The following GALNTL6 variants were observed in gnomAD, a reference collection of about 807,000 sequenced individuals.
GALNTL6 encodes the protein polypeptide N-acetylgalactosaminyltransferase-like 6.
A neutral mutation model predicts 73.7 loss-of-function variants in GALNTL6; 46 were observed. The observed-to-expected ratio is 0.62, with a 90% CI of 0.49 to 0.80. GALNTL6 has a LOEUF of 0.80. Among genes scored for constraint, GALNTL6 ranks in the 30% least tolerant of loss-of-function variants. GALNTL6 has a pLI of 0.00. For synonymous variants in GALNTL6, 259 were observed against 263.7 expected (o/e 0.98, Z 0.17); for missense variants, 604 against 755.0 (o/e 0.80, Z 2.34).
At chr4:172,871,024 T>C (rs1266154649) in intron 7 of GALNTL6, among the ~76,000 whole-genome samples, 1 of 152,204 alleles carries the variant, frequency 6.6e-6, no homozygotes, top group African/African-American at 2.4e-5. Context: ...ACCTGCTGGC[T>C]CACAGAGTTG....
intron 5 of GALNTL6, among the ~76,000 whole-genome samples, chr4:172,349,290 T>C (rs1357164855): frequency 6.6e-6 from 1 of 152,138 alleles, no homozygotes; most frequent in African/African-American, 2.4e-5. Context: ...AATTTTATAA[T>C]TTTGTAATTT....
chr4:172,984,132 G>A (rs1179959874), intron 10 of GALNTL6, among the ~76,000 whole-genome samples: 1 of 152,148 alleles, frequency 6.6e-6, no homozygotes, highest in Non-Finnish European at 1.5e-5. Flanking sequence ...AAAATACTTT[G>A]TGTGCCAACT....
intron 2 of GALNTL6, among the ~76,000 whole-genome samples, chr4:172,083,809 C>T (rs1018854877): frequency 3.9e-5 from 6 of 152,168 alleles, no homozygotes; most frequent in African/African-American, 1.4e-4. Context: ...AAATTACTGA[C>T]TAATCTTATA....
At chr4:172,828,219 C>G (rs1355375361) in intron 7 of GALNTL6, among the ~76,000 whole-genome samples, 2 of 149,438 alleles carry the variant, frequency 1.3e-5, no homozygotes, top group African/African-American at 2.5e-5. Context: ...TTGCAGTCAG[C>G]CAAGATTGCA....
At chr4:172,291,607 T>C (rs1184600276) in intron 3 of GALNTL6, among the ~76,000 whole-genome samples, 2 of 152,106 alleles carry the variant, frequency 1.3e-5, no homozygotes, top group South Asian at 2.1e-4. Flanking sequence ...CCTAGAAATA[T>C]GTTATCTATA....
At chr4:172,448,933 C>A (rs901163766) in intron 5 of GALNTL6, among the ~76,000 whole-genome samples, 1 of 152,110 alleles carries the variant, frequency 6.6e-6, no homozygotes, top group Non-Finnish European at 1.5e-5. Flanking sequence ...TTCACTTTCC[C>A]TTTTAATAAG....
chr4:172,333,442 G>A lies in GALNTL6; in HGVS notation c.387-15081G>A, dbSNP rs576745674. The stretch of plus-strand genomic sequence containing the variant: ...ATAAAAACAAAACAAAACAAAAAAC[G>A]AAATGTACATTGATGTCCTTTGCCC... On this transcript the variant is annotated intron_variant, in intron 4 of 12. Transcript: ENST00000506823. 1.6e-4 allele frequency among the ~76,000 whole-genome samples: 25 copies of A among 152,038 alleles called. 1 individual carries two copies. The highest frequency in any genetic ancestry group is 5.3e-4 in the African/African-American group (22 of 41,506).
chr4:172,479,871 A>G (rs185721305), intron 5 of GALNTL6, among the ~76,000 whole-genome samples: 41 of 152,340 alleles, frequency 2.7e-4, no homozygotes, highest in Admixed American at 1.1e-3. Context: ...CAAGCTCCAT[A>G]GAGTTTGATA....
At chr4:172,425,604 C>T (rs1456765239) in intron 5 of GALNTL6, among the ~76,000 whole-genome samples, 1 of 151,904 alleles carries the variant, frequency 6.6e-6, no homozygotes, top group Non-Finnish European at 1.5e-5. Context: ...TCACAGAATA[C>T]ACCTTCTCAT....
intron 5 of GALNTL6, among the ~76,000 whole-genome samples, chr4:172,635,600 T>G (rs1025286265): frequency 3.9e-5 from 6 of 152,278 alleles, no homozygotes; most frequent in Admixed American, 6.5e-5. Flanking sequence ...CCTGTTTAGA[T>G]TACTCATATG....
In GALNTL6 at chr4:172,483,151, G is replaced by A. The variant is rs539793617; in HGVS notation, c.553+134462G>A. 8.5e-5 allele frequency among the ~76,000 whole-genome samples: 13 copies of A among 152,240 alleles called. No homozygotes were observed. The South Asian group carries it at 2.7e-3, about 32-fold the overall frequency. On this transcript the variant is annotated intron_variant, in intron 5 of 12. Transcript: ENST00000506823. ...GGAAAATTACTTACTAAATGTCTTG[G>A]AGTCTGGGGATTTGTGGGTTTTTTG...
intron 5 of GALNTL6, among the ~76,000 whole-genome samples, chr4:172,581,542 C>T (rs748647722): frequency 3.3e-5 from 5 of 152,200 alleles, no homozygotes; most frequent in Non-Finnish European, 7.3e-5. Context: ...CCCAATCCCC[C>T]TATTCTATTC....
At chr4:171,944,128 T>C (rs1017933657) in intron 2 of GALNTL6, among the ~76,000 whole-genome samples, 3 of 151,752 alleles carry the variant, frequency 2.0e-5, no homozygotes, top group Non-Finnish European at 4.4e-5. Flanking sequence ...CTTTTCATTA[T>C]AAAAAAAAGC....
chr4:172,544,008 G>C (rs1735666722), intron 5 of GALNTL6, among the ~76,000 whole-genome samples: 1 of 152,146 alleles, frequency 6.6e-6, no homozygotes, highest in Admixed American at 6.5e-5. Context: ...TGCAAAAATA[G>C]AGAAGTAAAG....
At chr4:172,271,382 C>A (rs1738643653) in intron 3 of GALNTL6, among the ~76,000 whole-genome samples, 1 of 152,108 alleles carries the variant, frequency 6.6e-6, no homozygotes, top group Non-Finnish European at 1.5e-5. Flanking sequence ...AGATGCATTT[C>A]ATACATACAC....
chr4:172,434,195 A>G (rs1731557294), intron 5 of GALNTL6, among the ~76,000 whole-genome samples: 1 of 152,154 alleles, frequency 6.6e-6, no homozygotes, highest in African/African-American at 2.4e-5. Context: ...TATGGGATAT[A>G]GATTCTAGTT....
intron 2 of GALNTL6, among the ~76,000 whole-genome samples, chr4:171,958,268 A>C (rs1177700230): frequency 6.6e-6 from 1 of 152,206 alleles, no homozygotes; most frequent in East Asian, 1.9e-4. Flanking sequence ...GATTGTAAGA[A>C]TGCAACAAAA....
At chr4:172,171,535 T>C (rs1340747009) in intron 2 of GALNTL6, among the ~76,000 whole-genome samples, 2 of 151,840 alleles carry the variant, frequency 1.3e-5, no homozygotes, top group Non-Finnish European at 2.9e-5. Flanking sequence ...ACTCAAAAGA[T>C]GTAGGGCAGG....
chr4:172,662,372 G>A (rs1731422590), intron 5 of GALNTL6, among the ~76,000 whole-genome samples: 2 of 152,182 alleles, frequency 1.3e-5, no homozygotes. Context: ...ATCTGACCTA[G>A]TGACTAGTTC....
Sources: allele counts gnomAD v4.1 joint callset (sites outside exome capture counted in the v4.1 genomes callset), GRCh38; gene constraint gnomAD v4.1.1; transcripts MANE v1.5; gene names NCBI Gene and HGNC (gene_info 2026-07-23, HGNC 2026-07-21).